Variants in CECR2 observed in about 807,000 individuals in gnomAD.
CECR2 encodes the protein CECR2 histone acetyl-lysine reader, also known as chromatin remodeling regulator CECR2.
Under a neutral mutation model 154.5 loss-of-function variants are expected in CECR2, and 30 were observed. The ratio of observed to expected loss-of-function variants is 0.19; its 90% CI spans 0.15 to 0.26. CECR2 has a LOEUF of 0.26. Ranked by LOEUF, CECR2 falls within the 10% of genes least tolerant of loss-of-function variation. The pLI, the probability that CECR2 is intolerant of heterozygous loss-of-function variation, is 1.00. For synonymous variants in CECR2, 725 were observed against 683.7 expected, an observed-to-expected ratio of 1.06 and a Z score of -0.94; for missense variants, 1,743 against 1,829.3, an observed-to-expected ratio of 0.95 and a Z score of 0.86.
chr22:17,435,416 A>T (rs1285536190), intron 1 of CECR2, among the ~76,000 whole-genome samples: 2 of 152,124 alleles, frequency 1.3e-5, no homozygotes, highest in South Asian at 2.1e-4. Flanking sequence ...GCAAGGTAGA[A>T]TTTGGAGACC....
intron 9 of CECR2, among the ~76,000 whole-genome samples, chr22:17,526,371 T>G (rs2056264769): frequency 6.6e-6 from 1 of 152,182 alleles, no homozygotes; most frequent in Non-Finnish European, 1.5e-5. Context: ...CGAACTCATT[T>G]TCAACACACG....
At chr22:17,549,977 C>T (rs1000176815) in intron 17 of CECR2, among the ~76,000 whole-genome samples, 4 of 150,214 alleles carry the variant, frequency 2.7e-5, no homozygotes, top group African/African-American at 9.8e-5. Context: ...GATAACAGTT[C>T]ATGGTCTAGG....
chr22:17,488,170 A>G (rs1053538020), intron 2 of CECR2, among the ~76,000 whole-genome samples: 5 of 152,196 alleles, frequency 3.3e-5, no homozygotes, highest in Admixed American at 2.0e-4. Flanking sequence ...GGCGTGAGCC[A>G]CCGCACCCGG....
intron 1 of CECR2, among the ~76,000 whole-genome samples, chr22:17,375,264 C>T (rs1422549633): frequency 6.6e-6 from 1 of 151,952 alleles, no homozygotes; most frequent in East Asian, 1.9e-4. Flanking sequence ...CAGGCATGCA[C>T]CACCATGCCT....
intron 1 of CECR2, among the ~76,000 whole-genome samples, chr22:17,469,143 T>C (rs1333447218): frequency 6.6e-6 from 1 of 152,016 alleles, no homozygotes; most frequent in Non-Finnish European, 1.5e-5. Flanking sequence ...TGTGATTGAA[T>C]CAATTCAATC....
At chr22:17,362,921 A>G (rs2062984286) in intron 1 of CECR2, among the ~76,000 whole-genome samples, 1 of 150,806 alleles carries the variant, frequency 6.6e-6, no homozygotes, top group South Asian at 2.1e-4. Flanking sequence ...AAAAAAAAAA[A>G]AGAATACGTC....
chr22:17,537,377 C>T lies in CECR2; in HGVS notation c.1238+145C>T, dbSNP rs1387437722. On this transcript the variant is annotated intron_variant, in intron 10 of 18. Coordinates refer to ENST00000262608, the MANE Select transcript of CECR2 (RefSeq NM_001290047.2). ...GAGTGAACAGGGCGGGCCCTGCACA[C>T]ACAGACACGCCTAGCTACCCTGGCC... 1.0e-5 allele frequency: 9 copies of T among 884,276 alleles called. No individual in the cohort carries two copies. The Admixed American group carries it at 1.8e-4, about 18-fold the overall frequency. The allele number at this position is 884,276 out of a possible 1,614,324, so 54.8% of individuals were successfully genotyped here. A position where few individuals can be genotyped will look rare whatever the true frequency, so the allele number is the denominator to read the frequency against.
At position 17,542,917 on chromosome 22, in the gene CECR2, T is replaced by C. The variant is rs1454037670; in HGVS notation, c.2774T>C (p.Val925Ala). ...PFPQVAHPMSVTVSAPKPALG... is the reference protein window; with the variant it reads ...PFPQVAHPMSATVSAPKPALG... ...CCGCAGGTAGCTCACCCAATGTCAG[T>C]CACTGTGTCAGCCCCCAAGCCTGCC... Residue 925 changes from valine to alanine, a missense_variant, in exon 16 of 19, where the codon GTC (valine) becomes GCC (alanine). Transcript: ENST00000262608. The C allele has an allele frequency of 6.2e-7, 1 of 1,613,822 alleles. No homozygotes were observed. The highest frequency in any genetic ancestry group is 2.2e-5 in the East Asian group (1 of 44,860).
intron 1 of CECR2, among the ~76,000 whole-genome samples, chr22:17,476,271 TTTTG>T (rs1247131390): frequency 6.6e-6 from 1 of 151,568 alleles, no homozygotes; most frequent in African/African-American, 2.4e-5. Context: ...GATTTGTGTT[TTTTG>T]TTTGTTTGAG....
chr22:17,491,245 C>T (rs2055524053), intron 2 of CECR2, among the ~76,000 whole-genome samples: 1 of 152,030 alleles, frequency 6.6e-6, no homozygotes, highest in Non-Finnish European at 1.5e-5. Flanking sequence ...GTTGGAGTGG[C>T]TGGGTTGGTA....
intron 1 of CECR2, among the ~76,000 whole-genome samples, chr22:17,426,430 C>T (rs985142844): frequency 2.0e-5 from 3 of 152,062 alleles, no homozygotes; most frequent in Admixed American, 1.3e-4. Context: ...GATTTCAGCT[C>T]ACTGCAACCT....
intron 2 of CECR2, among the ~76,000 whole-genome samples, chr22:17,478,061 G>T: frequency 6.6e-6 from 1 of 151,950 alleles, no homozygotes; most frequent in South Asian, 2.1e-4. Context: ...ATCTTCTGTT[G>T]TTTACATAGC....
In CECR2 at chr22:17,533,046, G is replaced by A. The variant is rs143281050; in HGVS notation, c.1109-4057G>A. 7.8e-3 allele frequency among the ~76,000 whole-genome samples: 1,179 copies of A among 151,816 alleles called. 12 individuals carry two copies. Among genetic ancestry groups the A allele is most frequent in the African/African-American group, 0.027 (1,125 of 41,402 alleles). On this transcript the variant is annotated intron_variant, in intron 9 of 18. Transcript: ENST00000262608. Reference sequence around the variant, plus strand: ...AAGATAGCATGACCCGGCCAGGCGCGGTGGCTCACACCTGTAATCCCAGCA... The same window carrying A: ...AAGATAGCATGACCCGGCCAGGCGCAGTGGCTCACACCTGTAATCCCAGCA...
intron 1 of CECR2, among the ~76,000 whole-genome samples, chr22:17,377,941 T>C (rs1569041054): frequency 6.6e-6 from 1 of 152,336 alleles, no homozygotes; most frequent in East Asian, 1.9e-4. Context: ...TGAAAATCTG[T>C]TGTGGGAAGC....
intron 8 of CECR2, among the ~76,000 whole-genome samples, chr22:17,519,550 G>A (rs1034284711): frequency 3.3e-5 from 5 of 152,096 alleles, no homozygotes; most frequent in Admixed American, 3.3e-4. Context: ...GGGCCACCAT[G>A]CCCGGCCCCT....
intron 1 of CECR2, among the ~76,000 whole-genome samples, chr22:17,429,437 C>T (rs2054384478): frequency 6.6e-6 from 1 of 151,338 alleles, no homozygotes; most frequent in Non-Finnish European, 1.5e-5. Flanking sequence ...CGCGGTGGCT[C>T]ACACCTGTAA....
intron 1 of CECR2, among the ~76,000 whole-genome samples, chr22:17,384,748 A>G (rs2063239202): frequency 6.6e-6 from 1 of 152,218 alleles, no homozygotes; most frequent in South Asian, 2.1e-4. Context: ...GCTTCCAGTA[A>G]GTCACCAGCC....
At chr22:17,521,819 C>T (rs2146957875) in intron 8 of CECR2, among the ~76,000 whole-genome samples, 1 of 152,284 alleles carries the variant, frequency 6.6e-6, no homozygotes, top group South Asian at 2.1e-4. Context: ...GTCATGAAGT[C>T]CTTGCCCATG....
intron 6 of CECR2, among the ~76,000 whole-genome samples, chr22:17,503,777 C>T (rs554075292): frequency 1.3e-5 from 2 of 152,090 alleles, no homozygotes; most frequent in East Asian, 3.9e-4. Context: ...GCCATTGTGG[C>T]GGCTCATGCC....
Sources: gnomAD v4.1 joint callset for allele counts (sites outside exome capture counted in the v4.1 genomes callset) on GRCh38, gnomAD v4.1.1 for gene constraint, MANE v1.5 for transcripts, NCBI Gene and HGNC (gene_info 2026-07-23, HGNC 2026-07-21) for gene names.